ADGRB3: variants seen among roughly 807,000 people sequenced by gnomAD.
The protein encoded by ADGRB3 is adhesion G protein-coupled receptor B3.
Under a neutral mutation model 193.4 loss-of-function variants are expected in ADGRB3, and 37 were observed. The observed-to-expected ratio is 0.19, with a 90% CI of 0.15 to 0.25. The LOEUF is 0.25. ADGRB3 is among the 10% of genes least tolerant of loss of function. ADGRB3 has a pLI of 1.00. For synonymous variants in ADGRB3, 690 were observed against 644.2 expected, an observed-to-expected ratio of 1.07 and a Z score of -1.08; for missense variants, 1,637 against 1,852.9, an observed-to-expected ratio of 0.88 and a Z score of 2.14.
At chr6:69,027,787 C>G (rs1770481050) in intron 13 of ADGRB3, among the ~76,000 whole-genome samples, 1 of 152,094 alleles carries the variant, frequency 6.6e-6, no homozygotes, top group African/African-American at 2.4e-5. Flanking sequence ...AGTTGTTGAT[C>G]TGAAAGAGCT....
intron 20 of ADGRB3, among the ~76,000 whole-genome samples, chr6:69,297,368 T>TCTCTCTCTTTC (rs1767846054): frequency 1.6e-4 from 16 of 97,650 alleles, no homozygotes; most frequent in Middle Eastern, 6.8e-3. Flanking sequence ...CTCTCTCTCT[T>TCTCTCTCTTTC]TCTCTCTCTC....
In ADGRB3 at chr6:68,809,083, A is replaced by C. The variant is rs1347463696; in HGVS notation, c.758-121476A>C. Among the ~76,000 whole-genome samples the C allele has an allele frequency of 3.2e-5, 4 of 126,918 alleles. No individual in the cohort carries two copies. In the East Asian group the frequency reaches 9.6e-4, roughly 31 times the overall value. 83.3% of individuals were successfully genotyped at this position (126,918 alleles called of 152,430 possible). ...TTTTAATTGTGCTGGTTTAAAAAAAATTTTTTTGCATTATGGATTGTCATT... is the reference window on the plus strand; with the variant it reads ...TTTTAATTGTGCTGGTTTAAAAAAACTTTTTTTGCATTATGGATTGTCATT... On this transcript the variant is annotated intron_variant, in intron 3 of 31. Coordinates refer to ENST00000370598, the MANE Select transcript of ADGRB3 (RefSeq NM_001704.3).
chr6:68,816,307 A>C (rs887422550), intron 3 of ADGRB3, among the ~76,000 whole-genome samples: 1 of 152,018 alleles, frequency 6.6e-6, no homozygotes, highest in Admixed American at 6.6e-5. Flanking sequence ...CATGAAAATG[A>C]TTAAGAATCT....
chr6:68,858,278 G>C (rs955662924), intron 3 of ADGRB3, among the ~76,000 whole-genome samples: 39 of 152,266 alleles, frequency 2.6e-4, no homozygotes. Context: ...GCCAAGGCGG[G>C]TGGATCACAA....
Position 68,974,805 on chromosome 6 carries a change from T to C in ADGRB3, c.1568T>C (p.Val523Ala). Reference protein sequence around the residue: ...ICPEDYLMSMVWKRTPAGDLA... With the variant: ...ICPEDYLMSMAWKRTPAGDLA... ...CCTGAGGATTATCTGATGTCGATGG[T>C]GTGGAAAAGAACTCCAGCAGGCGAC... Residue 523 changes from valine (V) to alanine (A), a missense_variant, in exon 9 of 32, where the codon GTG (valine) becomes GCG (alanine). Val to Ala is a moderately conservative substitution (Grantham distance 64). Transcript: ENST00000370598. The C allele has an allele frequency of 1.2e-6, 2 of 1,613,978 alleles. No individual in the cohort carries two copies. Among genetic ancestry groups the C allele is most frequent in the Non-Finnish European group, 1.7e-6 (2 of 1,179,934 alleles).
intron 20 of ADGRB3, among the ~76,000 whole-genome samples, chr6:69,305,634 A>G (rs1272521916): frequency 6.7e-6 from 1 of 149,822 alleles, no homozygotes; most frequent in African/African-American, 2.5e-5. Context: ...GTGAAAGCAA[A>G]GAGTCAACAC....
chr6:69,050,664 G>A (rs1771365281), intron 15 of ADGRB3, among the ~76,000 whole-genome samples: 1 of 152,010 alleles, frequency 6.6e-6, no homozygotes, highest in Admixed American at 6.6e-5. Flanking sequence ...ATTTCAACAG[G>A]GAATTCGTTT....
chr6:69,245,119 G>A (rs909488584), intron 20 of ADGRB3, among the ~76,000 whole-genome samples: 1 of 151,834 alleles, frequency 6.6e-6, no homozygotes, highest in African/African-American at 2.4e-5. Context: ...TCTCCTTCTC[G>A]CTCATGGAGT....
chr6:68,645,098 T>C (rs762549319), intron 3 of ADGRB3, among the ~76,000 whole-genome samples: 42 of 152,300 alleles, frequency 2.8e-4, no homozygotes, highest in Middle Eastern at 3.4e-3. Context: ...GTCTGGTATG[T>C]ATTACCTATA....
intron 3 of ADGRB3, among the ~76,000 whole-genome samples, chr6:68,781,139 AG>A (rs1381065295): frequency 6.6e-6 from 1 of 152,146 alleles, no homozygotes; most frequent in African/African-American, 2.4e-5. Context: ...CTTGAAGCAA[AG>A]TCTAGGTTGG....
chr6:68,724,418 T>C lies in ADGRB3; in HGVS notation c.757+84986T>C, dbSNP rs542921951. On this transcript the variant is annotated intron_variant, in intron 3 of 31. Transcript: ENST00000370598. ...CAGTTTCTATATTTCAATAGTTTATTGTCCTAGGAAGAAAGTTCTAATTTA... is the reference window on the plus strand; with the variant it reads ...CAGTTTCTATATTTCAATAGTTTATCGTCCTAGGAAGAAAGTTCTAATTTA... Among the ~76,000 whole-genome samples the C allele has an allele frequency of 1.7e-3, 257 of 151,814 alleles. 3 individuals are homozygous for C. Among genetic ancestry groups the C allele is most frequent in the Non-Finnish European group, 3.1e-3 (208 of 67,788 alleles).
At chr6:69,142,396 C>T (rs942289301) in intron 17 of ADGRB3, among the ~76,000 whole-genome samples, 1 of 152,054 alleles carries the variant, frequency 6.6e-6, no homozygotes, top group African/African-American at 2.4e-5. Context: ...AGTGTATGTG[C>T]GTAGGAAGGG....
At chr6:69,322,452 C>G (rs910372459) in intron 20 of ADGRB3, among the ~76,000 whole-genome samples, 15 of 151,822 alleles carry the variant, frequency 9.9e-5, no homozygotes, top group African/African-American at 3.6e-4. Flanking sequence ...ATGGCTGAAC[C>G]ATTTACAATT....
At chr6:68,901,106 C>A (rs114138545) in intron 3 of ADGRB3, among the ~76,000 whole-genome samples, 3,661 of 152,090 alleles carry the variant, frequency 0.024, 140 homozygotes, top group African/African-American at 0.082. Context: ...TAAATAATAA[C>A]AAGCATTTAT....
At chr6:69,148,524 G>A (rs1209472218) in intron 17 of ADGRB3, among the ~76,000 whole-genome samples, 3 of 151,914 alleles carry the variant, frequency 2.0e-5, no homozygotes, top group Non-Finnish European at 4.4e-5. Context: ...ATTTTTGATT[G>A]GTTCATCCTT....
At chr6:69,069,553 C>A (rs201291587) in intron 16 of ADGRB3, among the ~76,000 whole-genome samples, 116 of 31,722 alleles carry the variant, frequency 3.7e-3, no homozygotes, top group South Asian at 5.9e-3. Context: ...ACTAAAAATA[C>A]AAAAAAAAAA....
intron 3 of ADGRB3, among the ~76,000 whole-genome samples, chr6:68,806,783 T>G (rs547349177): frequency 5.3e-5 from 8 of 152,210 alleles, no homozygotes; most frequent in African/African-American, 1.9e-4. Flanking sequence ...ATTACCTTTT[T>G]GGACTGTTGG....
At chr6:69,221,768 G>T (rs1441600960) in intron 17 of ADGRB3, among the ~76,000 whole-genome samples, 1 of 152,080 alleles carries the variant, frequency 6.6e-6, no homozygotes, top group Admixed American at 6.6e-5. Context: ...TGAGTGGAAG[G>T]TTTCCACTGA....
At position 69,375,706 on chromosome 6, in the gene ADGRB3, G is replaced by A. The variant is rs554673394; in HGVS notation, c.4275+3265G>A. Among the ~76,000 whole-genome samples, 39 of 152,134 alleles carry A rather than the reference G, an allele frequency of 2.6e-4. No individual in the cohort carries two copies. In the South Asian group the frequency reaches 3.7e-3, roughly 15 times the overall value. ...CAATTACAGGCATTCATTCTGAAAC[G>A]CTAATAGATAACAGTATCCATGCCA... On this transcript the variant is annotated intron_variant, in intron 30 of 31. Transcript: ENST00000370598.
Sources: allele counts gnomAD v4.1 joint callset (sites outside exome capture counted in the v4.1 genomes callset), GRCh38; gene constraint gnomAD v4.1.1; transcripts MANE v1.5; gene names NCBI Gene and HGNC (gene_info 2026-07-23, HGNC 2026-07-21).